Variants in SEPHS1 observed in about 807,000 individuals in gnomAD.
SEPHS1 encodes the protein zincore component SEPHS1.
Under a neutral mutation model 39.2 loss-of-function variants are expected in SEPHS1, and 7 were observed. The observed-to-expected ratio is 0.18, with a 90% CI of 0.10 to 0.34. The LOEUF (loss-of-function observed/expected upper bound fraction) is 0.34. Among genes scored for constraint, SEPHS1 ranks in the 10% least tolerant of loss-of-function variants. SEPHS1 has a pLI of 1.00. For missense variants in SEPHS1, 253 were observed against 514.5 expected, an observed-to-expected ratio of 0.49 and a Z score of 4.92; for synonymous variants, 190 against 195.5, an observed-to-expected ratio of 0.97 and a Z score of 0.23.
intron 1 of SEPHS1, chr10:13,345,396 G>A (rs182901129): frequency 6.4e-6 from 1 of 155,756 alleles, no homozygotes; most frequent in Admixed American, 6.5e-5. Flanking sequence ...CTGTGGTTCA[G>A]AAAGCGGCGG....
In SEPHS1 at chr10:13,328,506, T is replaced by C. The variant is rs1833372202; in HGVS notation, c.652-56A>G. The C allele has an allele frequency of 4.8e-6, 6 of 1,246,830 alleles. 1 individual carries two copies. In the South Asian group the frequency reaches 5.1e-5, roughly 11 times the overall value. 77.2% of individuals were successfully genotyped at this position (1,246,830 alleles called of 1,614,324 possible). A position where few individuals can be genotyped will look rare whatever the true frequency, so the allele number is the denominator to read the frequency against. On this transcript the variant is annotated intron_variant, in intron 6 of 8. Transcript: ENST00000327347. ...AAGAGAGGAAAATGTGATTAATCTT[T>C]ACTTCTAGCAACTGAGAAAAACAGC...
chr10:13,344,522 TTAAAAAAAAA>T (rs1000681209), intron 2 of SEPHS1, among the ~76,000 whole-genome samples: 9 of 151,276 alleles, frequency 5.9e-5, no homozygotes, highest in African/African-American at 2.2e-4. Flanking sequence ...CCCACAAAAA[TTAAAAAAAAA>T]TAAAGGGGGT....
chr10:13,336,068 A>C (rs7894075), intron 4 of SEPHS1, among the ~76,000 whole-genome samples, 175 bp downstream of exon 4: 29,094 of 151,420 alleles, frequency 0.19, 5,646 homozygotes, highest in African/African-American at 0.5. Context: ...TGACTAGGCC[A>C]GGCTTCCTCA....
intron 3 of SEPHS1, 44 bp from the exon 4 acceptor site, chr10:13,336,394 C>G (rs1833635640): frequency 6.9e-7 from 1 of 1,446,022 alleles, no homozygotes; most frequent in African/African-American, 1.4e-5. Flanking sequence ...CGGGGACTTT[C>G]CATCTGCAGA....
chr10:13,347,197 TTC>T (rs1018921763), intron 1 of SEPHS1: 35 of 152,198 alleles, frequency 2.3e-4, no homozygotes, highest in African/African-American at 8.4e-4. Flanking sequence ...GTTTTTTTTT[TTC>T]TTCCAACGAG....
rs541799111 is a variant in SEPHS1 at position 13,330,985 on chromosome 10, AG to A, written c.561-1198del. Reference sequence around the variant, plus strand: ...TATCTCCTAATGCTATCCCTCCCCCAGCCCCCTACCCCCGACAGGCCCTGGT... The same window carrying A: ...TATCTCCTAATGCTATCCCTCCCCCACCCCCTACCCCCGACAGGCCCTGGT... On this transcript the variant is annotated intron_variant, in intron 5 of 8. Coordinates refer to ENST00000327347, the MANE Select transcript of SEPHS1 (RefSeq NM_012247.5). Among the ~76,000 whole-genome samples the A allele has an allele frequency of 1.1e-3, 166 of 151,284 alleles. 1 individual carries two copies. The highest frequency in any genetic ancestry group is 3.8e-3 in the African/African-American group (158 of 41,198).
In SEPHS1 at chr10:13,329,794, G is replaced by T; in HGVS notation, c.561-6C>A. The T allele has an allele frequency of 6.2e-7, 1 of 1,602,456 alleles. No homozygotes were observed. Among genetic ancestry groups the T allele is most frequent in the East Asian group, 2.2e-5 (1 of 44,706 alleles). On this transcript the variant is annotated splice_polypyrimidine_tract_variant and splice_region_variant and intron_variant, in intron 5 of 8. Transcript: ENST00000327347. ...CTGGCACTGCATTGTCTGGCCTGAA[G>T]AAAAGAAAAGGGCATGTTCTAGTCA...
intron 8 of SEPHS1, among the ~76,000 whole-genome samples, chr10:13,320,241 G>A (rs1588530016): frequency 6.6e-6 from 1 of 151,874 alleles, no homozygotes; most frequent in East Asian, 2.0e-4. Flanking sequence ...GATTGCAGTG[G>A]TGTGATCTCG....
chr10:13,327,108 A>T (rs572684906), intron 7 of SEPHS1, among the ~76,000 whole-genome samples: 1 of 151,938 alleles, frequency 6.6e-6, no homozygotes, highest in East Asian at 1.9e-4. Flanking sequence ...CATGGTGATG[A>T]TGCGTGCCTG....
At chr10:13,334,549 A>C (rs1588542391) in intron 4 of SEPHS1, among the ~76,000 whole-genome samples, 1 of 148,168 alleles carries the variant, frequency 6.7e-6, no homozygotes, top group East Asian at 2.0e-4. Flanking sequence ...CTCAAAAACA[A>C]AAAAAAAAAA....
At chr10:13,347,017 G>A (rs1173833972) in intron 1 of SEPHS1, among the ~76,000 whole-genome samples, 1 of 152,134 alleles carries the variant, frequency 6.6e-6, no homozygotes, top group Non-Finnish European at 1.5e-5. Context: ...AAGGGGGAGG[G>A]GGTTCTGGGG....
intron 8 of SEPHS1, among the ~76,000 whole-genome samples, chr10:13,320,997 T>C (rs949430843): frequency 6.6e-6 from 1 of 152,174 alleles, no homozygotes; most frequent in Non-Finnish European, 1.5e-5. Context: ...AGCTTACTTC[T>C]AGAAAATGGT....
chr10:13,334,941 G>C (rs1302030718), intron 4 of SEPHS1, among the ~76,000 whole-genome samples: 1 of 152,140 alleles, frequency 6.6e-6, no homozygotes, highest in Admixed American at 6.5e-5. Context: ...CCCTGCAGTA[G>C]GCATCCATCC....
At chr10:13,324,509 A>G (rs951898970) in intron 7 of SEPHS1, among the ~76,000 whole-genome samples, 6 of 152,254 alleles carry the variant, frequency 3.9e-5, no homozygotes, top group African/African-American at 1.4e-4. Context: ...GAAACTGCCA[A>G]ACTGACTTTT....
chr10:13,324,441 GAGTGAATATCA>G (rs1204711241), intron 7 of SEPHS1, among the ~76,000 whole-genome samples: 2 of 152,164 alleles, frequency 1.3e-5, no homozygotes, highest in Non-Finnish European at 2.9e-5. Context: ...CAACTTTTTT[GAGTGAATATCA>G]AGGAGCACAA....
intron 7 of SEPHS1, among the ~76,000 whole-genome samples, chr10:13,326,757 C>T (rs1325289515): frequency 6.6e-6 from 1 of 152,130 alleles, no homozygotes. Context: ...TGGTCTCCAA[C>T]TGCTGGACTC....
intron 8 of SEPHS1, among the ~76,000 whole-genome samples, chr10:13,321,761 C>G (rs977977845): frequency 6.6e-6 from 1 of 152,208 alleles, no homozygotes; most frequent in Non-Finnish European, 1.5e-5. Flanking sequence ...TGGGAATGAG[C>G]GATGGCGAGC....
At chr10:13,330,099 C>A (rs984486989) in intron 5 of SEPHS1, among the ~76,000 whole-genome samples, 1 of 152,088 alleles carries the variant, frequency 6.6e-6, no homozygotes, top group Admixed American at 6.6e-5. Flanking sequence ...ACAACAAGGA[C>A]CCCATTTCAA....
intron 1 of SEPHS1, among the ~76,000 whole-genome samples, chr10:13,346,637 T>G (rs1833931013): frequency 1.1e-5 from 1 of 92,702 alleles, no homozygotes; most frequent in Non-Finnish European, 2.1e-5. Context: ...CCACTTTGAC[T>G]TGGAAGGCGT....
Sources: gnomAD v4.1 joint callset for allele counts (sites outside exome capture counted in the v4.1 genomes callset) on GRCh38, gnomAD v4.1.1 for gene constraint, MANE v1.5 for transcripts, NCBI Gene and HGNC (gene_info 2026-07-23, HGNC 2026-07-21) for gene names.